The following CPA6 variants were observed in gnomAD, a reference collection of about 807,000 sequenced individuals.
CPA6 encodes the protein carboxypeptidase B.
CPA6 carries 58 observed loss-of-function variants against 63.3 expected under a neutral mutation model. That is an observed-to-expected ratio of 0.92 (90% CI 0.74 to 1.14). The LOEUF (loss-of-function observed/expected upper bound fraction) is 1.14, where lower values mean the gene tolerates loss of function less well. Ranked by LOEUF, CPA6 falls within the 50% of genes most tolerant of loss-of-function variation. The pLI, the probability that CPA6 is intolerant of heterozygous loss-of-function variation, is 0.00. For synonymous variants in CPA6, 185 were observed against 179.0 expected, an observed-to-expected ratio of 1.03 and a Z score of -0.27; for missense variants, 565 against 526.6, an observed-to-expected ratio of 1.07 and a Z score of -0.71.
At chr8:67,444,185 T>G (rs1254092057) in intron 8 of CPA6, among the ~76,000 whole-genome samples, 1 of 151,946 alleles carries the variant, frequency 6.6e-6, no homozygotes, top group Non-Finnish European at 1.5e-5. Context: ...AGACAGGGTT[T>G]CACCGTGTTA....
intron 6 of CPA6, among the ~76,000 whole-genome samples, chr8:67,488,118 G>A (rs1403416837): frequency 2.0e-5 from 3 of 152,138 alleles, no homozygotes; most frequent in East Asian, 1.9e-4. Context: ...TAGTCATGAA[G>A]TCCTTGCCCA....
At chr8:67,740,008 T>G (rs1817883065) in intron 1 of CPA6, among the ~76,000 whole-genome samples, 1 of 152,188 alleles carries the variant, frequency 6.6e-6, no homozygotes. Flanking sequence ...GAACCAGAGA[T>G]GCATTTCTTC....
At chr8:67,498,402 G>A (rs1014831923) in intron 6 of CPA6, among the ~76,000 whole-genome samples, 4 of 151,692 alleles carry the variant, frequency 2.6e-5, no homozygotes, top group African/African-American at 9.7e-5. Context: ...AGTGTGTGGT[G>A]GTGCGCACCT....
intron 8 of CPA6, among the ~76,000 whole-genome samples, chr8:67,470,813 T>C (rs1342833438): frequency 2.6e-5 from 4 of 152,236 alleles, no homozygotes; most frequent in Non-Finnish European, 5.9e-5. Context: ...GCCATGGTTC[T>C]CTAAAGATGC....
intron 1 of CPA6, among the ~76,000 whole-genome samples, chr8:67,644,259 C>T (rs559433546): frequency 3.4e-4 from 51 of 152,132 alleles, no homozygotes; most frequent in Non-Finnish European, 6.6e-4. Context: ...GCTGGGACTA[C>T]AGGCGCCCGC....
At chr8:67,616,211 T>C (rs1321580798) in intron 2 of CPA6, among the ~76,000 whole-genome samples, 1 of 152,218 alleles carries the variant, frequency 6.6e-6, no homozygotes, top group Non-Finnish European at 1.5e-5. Context: ...TATAAAAAGC[T>C]TCCTATGTGT....
At chr8:67,494,062 T>G (rs1367168983) in intron 6 of CPA6, among the ~76,000 whole-genome samples, 1 of 152,150 alleles carries the variant, frequency 6.6e-6, no homozygotes, top group Non-Finnish European at 1.5e-5. Flanking sequence ...TGTAGAAAAT[T>G]TTGGGAAATT....
chr8:67,518,088 G>A lies in CPA6; in HGVS notation c.193-41C>T, dbSNP rs775325468. 5.4e-6 allele frequency: 8 copies of A among 1,486,842 alleles called. No individual in the cohort carries two copies. In the Admixed American group the frequency reaches 1.2e-4, roughly 22 times the overall value. The allele number at this position is 1,486,842 out of a possible 1,614,324, so 92.1% of individuals were successfully genotyped here. A position where few individuals can be genotyped will look rare whatever the true frequency, so the allele number is the denominator to read the frequency against. On this transcript the variant is annotated intron_variant, in intron 2 of 10. Transcript: ENST00000297770. ...CAACCTATAATTCATATCCAACGTA[G>A]GGGGGGAAAATCTGTGTCACAATGT... is the stretch of plus-strand genomic sequence containing the variant.
At chr8:67,705,191 C>G (rs752294299) in intron 1 of CPA6, among the ~76,000 whole-genome samples, 1 of 152,146 alleles carries the variant, frequency 6.6e-6, no homozygotes, top group Non-Finnish European at 1.5e-5. Flanking sequence ...AGCTTGCCAC[C>G]TCTGCCACAA....
intron 8 of CPA6, among the ~76,000 whole-genome samples, chr8:67,472,487 C>T (rs1314023487): frequency 6.6e-6 from 1 of 151,650 alleles, no homozygotes; most frequent in Non-Finnish European, 1.5e-5. Flanking sequence ...TGCAGTGGCA[C>T]AGCCTGGGCT....
chr8:67,516,495 A>G (rs16933341), intron 3 of CPA6, among the ~76,000 whole-genome samples: 18,883 of 152,132 alleles, frequency 0.12, 3,188 homozygotes, highest in African/African-American at 0.38. Flanking sequence ...GTTAGGGATC[A>G]GTGATGCATC....
At chr8:67,712,927 T>C (rs1012528592) in intron 1 of CPA6, among the ~76,000 whole-genome samples, 1 of 151,642 alleles carries the variant, frequency 6.6e-6, no homozygotes, top group African/African-American at 2.4e-5. Context: ...ATTACAGTCC[T>C]TGGGTTCCAG....
At chr8:67,458,522 C>A (rs1003832516) in intron 8 of CPA6, among the ~76,000 whole-genome samples, 2 of 152,050 alleles carry the variant, frequency 1.3e-5, no homozygotes, top group Admixed American at 1.3e-4. Context: ...AAATACAACA[C>A]CAAAGGCACA....
At chr8:67,523,907 C>T (rs1025135623) in intron 2 of CPA6, among the ~76,000 whole-genome samples, 3 of 152,178 alleles carry the variant, frequency 2.0e-5, no homozygotes, top group African/African-American at 7.2e-5. Context: ...GAAGCACTTT[C>T]CTGCTCTATA....
At chr8:67,624,122 C>T in intron 2 of CPA6, 54 bp downstream of exon 2, 1 of 1,100,124 alleles carries the variant, frequency 9.1e-7, no homozygotes, top group Non-Finnish European at 1.4e-6. Context: ...CAGCAAATCC[C>T]TGTAAACACT....
intron 8 of CPA6, among the ~76,000 whole-genome samples, chr8:67,448,639 G>GAAA (rs61317091): frequency 0.017 from 397 of 23,294 alleles, 37 homozygotes; most frequent in African/African-American, 0.065. Flanking sequence ...CTCAAAAAAG[G>GAAA]AAAAAAAAAA....
At chr8:67,431,653 T>C in intron 9 of CPA6, among the ~76,000 whole-genome samples, 1 of 152,154 alleles carries the variant, frequency 6.6e-6, no homozygotes, top group East Asian at 1.9e-4. Flanking sequence ...TACAAATTGT[T>C]AGGGTGCCGG....
chr8:67,689,138 T>C (rs1446103305), intron 1 of CPA6, among the ~76,000 whole-genome samples: 2 of 152,112 alleles, frequency 1.3e-5, no homozygotes, highest in African/African-American at 4.8e-5. Context: ...TTCAGTCTAC[T>C]AAAACCCACA....
At chr8:67,639,919 G>A (rs1815551737) in intron 1 of CPA6, among the ~76,000 whole-genome samples, 1 of 151,410 alleles carries the variant, frequency 6.6e-6, no homozygotes, top group Non-Finnish European at 1.5e-5. Context: ...GTCCTGACAA[G>A]TGTTCAGCTC....
Sources: gnomAD v4.1 joint callset for allele counts (sites outside exome capture counted in the v4.1 genomes callset) on GRCh38, gnomAD v4.1.1 for gene constraint, MANE v1.5 for transcripts, NCBI Gene and HGNC (gene_info 2026-07-23, HGNC 2026-07-21) for gene names.